Variants in SATB2 observed in about 807,000 individuals in gnomAD.
SATB2 encodes the protein DNA-binding protein SATB2.
In SATB2, 1 loss-of-function variant was observed where a neutral mutation model predicts 73.4. That is an observed-to-expected ratio of 0.01 (90% CI 0.00 to 0.06). The LOEUF (loss-of-function observed/expected upper bound fraction) is 0.06. SATB2 is among the 10% of genes least tolerant of loss of function. The probability of loss-of-function intolerance (pLI) is 1.00; values close to 1 mark genes in which losing one functional copy is unlikely to be tolerated. For synonymous variants in SATB2, 397 were observed against 367.0 expected, an observed-to-expected ratio of 1.08 and a Z score of -0.93; for missense variants, 459 against 945.8, an observed-to-expected ratio of 0.49 and a Z score of 6.75.
rs1294087873 is a variant in SATB2, at chr2:199,271,675, G to C, written c.*536C>G. Reference sequence around the variant, plus strand: ...AAGCCAAAGCGACTCACTGTGAAGTGGTTTTTTTAATACATAAACAAGTCT... The same window carrying C: ...AAGCCAAAGCGACTCACTGTGAAGTCGTTTTTTTAATACATAAACAAGTCT... On this transcript the variant is annotated 3_prime_UTR_variant, in exon 11 of 11. Transcript: ENST00000417098. 1 of 152,786 alleles carries C rather than the reference G, an allele frequency of 6.5e-6. No homozygotes were observed. Among genetic ancestry groups the C allele is most frequent in the Non-Finnish European group, 1.5e-5 (1 of 68,442 alleles). 9.5% of individuals were successfully genotyped at this position (152,786 alleles called of 1,614,324 possible). A position where few individuals can be genotyped will look rare whatever the true frequency, so the allele number is the denominator to read the frequency against.
intron 6 of SATB2, among the ~76,000 whole-genome samples, chr2:199,367,586 C>A (rs1308954015): frequency 6.6e-6 from 1 of 152,146 alleles, no homozygotes; most frequent in East Asian, 1.9e-4. Flanking sequence ...GAAACAAATT[C>A]ATCCTTTACT....
At chr2:199,467,979 T>C (rs1288282419), upstream of SATB2, 1 of 152,144 alleles carries the variant, frequency 6.6e-6, no homozygotes, top group African/African-American at 2.4e-5. Context: ...CAGTTTTCAG[T>C]AGATGTGGAA....
At chr2:199,282,082 C>T (rs559381776) in intron 10 of SATB2, among the ~76,000 whole-genome samples, 1 of 152,010 alleles carries the variant, frequency 6.6e-6, no homozygotes, top group East Asian at 1.9e-4. Flanking sequence ...AGTGTTTCAC[C>T]ATGTTAGCCA....
At chr2:199,352,023 C>A (rs1326900443) in intron 6 of SATB2, among the ~76,000 whole-genome samples, 2 of 152,102 alleles carry the variant, frequency 1.3e-5, no homozygotes, top group Non-Finnish European at 2.9e-5. Context: ...GCATATGCCG[C>A]CACCACACCC....
At chr2:199,343,659 T>C (rs1559172260) in intron 7 of SATB2, among the ~76,000 whole-genome samples, 2 of 152,212 alleles carry the variant, frequency 1.3e-5, no homozygotes, top group African/African-American at 2.4e-5. Flanking sequence ...TTGGGCTTTA[T>C]ACACAACAGG....
chr2:199,402,167 A>G (rs1559032684), intron 3 of SATB2, among the ~76,000 whole-genome samples: 1 of 152,106 alleles, frequency 6.6e-6, no homozygotes, highest in African/African-American at 2.4e-5. Context: ...CGGGTGGATC[A>G]TGAGGTCAAG....
chr2:199,286,917 G>A (rs1159401631), intron 10 of SATB2, among the ~76,000 whole-genome samples: 1 of 152,178 alleles, frequency 6.6e-6, no homozygotes, highest in Non-Finnish European at 1.5e-5. Context: ...CAGCATACAT[G>A]AAAGAAGATA....
chr2:199,436,119 G>A (rs991439515), intron 2 of SATB2, among the ~76,000 whole-genome samples: 3 of 152,074 alleles, frequency 2.0e-5, no homozygotes, highest in African/African-American at 7.2e-5. Context: ...GAATCCAATT[G>A]CTCCATAAGC....
intron 10 of SATB2, among the ~76,000 whole-genome samples, chr2:199,281,639 A>G (rs569828107): frequency 1.1e-4 from 17 of 152,336 alleles, no homozygotes; most frequent in African/African-American, 3.8e-4. Flanking sequence ...GAAAGTTTCA[A>G]AAACCTAGCT....
At chr2:199,309,418 T>C (rs371844777) in intron 9 of SATB2, among the ~76,000 whole-genome samples, 125 of 152,284 alleles carry the variant, frequency 8.2e-4, no homozygotes, top group African/African-American at 3.0e-3. Context: ...AGGGAGGAAA[T>C]ATTCTTAAAA....
chr2:199,349,622 A>AC (rs1295599229), intron 6 of SATB2, among the ~76,000 whole-genome samples: 1 of 152,238 alleles, frequency 6.6e-6, no homozygotes, highest in Non-Finnish European at 1.5e-5. Flanking sequence ...TCTAGTAAAA[A>AC]GCTCACATAA....
At chr2:199,458,540 G>C (rs1334456076), upstream of SATB2, 1 of 358,690 alleles carries the variant, frequency 2.8e-6, no homozygotes, top group Non-Finnish European at 5.4e-6. Flanking sequence ...CCTCCTCCTT[G>C]TGGCGGGTCC....
At chr2:199,413,632 C>T (rs558098916) in intron 3 of SATB2, among the ~76,000 whole-genome samples, 2 of 148,718 alleles carry the variant, frequency 1.3e-5, no homozygotes, top group South Asian at 2.3e-4. Flanking sequence ...CTTGATTTCC[C>T]AGGCTCTCTA....
At chr2:199,391,772 G>A (rs1337305264) in intron 3 of SATB2, among the ~76,000 whole-genome samples, 1 of 152,038 alleles carries the variant, frequency 6.6e-6, no homozygotes, top group Non-Finnish European at 1.5e-5. Flanking sequence ...CAACATACAT[G>A]GTGATAAATA....
chr2:199,444,612 G>A (rs1467105271), intron 2 of SATB2, among the ~76,000 whole-genome samples: 1 of 152,028 alleles, frequency 6.6e-6, no homozygotes, highest in Non-Finnish European at 1.5e-5. Flanking sequence ...ATTCTGACAA[G>A]CCCAATACAA....
chr2:199,451,961 C>T (rs892763168), intron 2 of SATB2, among the ~76,000 whole-genome samples: 14 of 151,982 alleles, frequency 9.2e-5, no homozygotes, highest in African/African-American at 2.4e-4. Context: ...CTTTAACAGA[C>T]AGTATGCCAA....
intron 7 of SATB2, among the ~76,000 whole-genome samples, chr2:199,338,121 T>C (rs942759153): frequency 1.3e-5 from 2 of 152,036 alleles, no homozygotes; most frequent in Non-Finnish European, 2.9e-5. Context: ...CCCAGCACTT[T>C]AGGAGGCCGA....
rs145384244 is a variant in SATB2, at chr2:199,313,696, C to G, written c.1543-4739G>C. Among the ~76,000 whole-genome samples, 31 of 152,186 alleles carry G rather than the reference C, an allele frequency of 2.0e-4. No homozygotes were observed. In the East Asian group the frequency reaches 6.0e-3, roughly 29 times the overall value. On this transcript the variant is annotated intron_variant, in intron 9 of 10. Transcript: ENST00000417098. ...ATTGTAAATGTATTAGACATGCTTA[C>G]TATTTGAAGAAATGTGCCATTAATT...
intron 5 of SATB2, among the ~76,000 whole-genome samples, chr2:199,371,446 C>G (rs1689444112): frequency 6.6e-6 from 1 of 152,024 alleles, no homozygotes; most frequent in African/African-American, 2.4e-5. Flanking sequence ...TCCTGGGACA[C>G]CGAGAATCTA....
Sources: gnomAD v4.1 joint callset for allele counts (sites outside exome capture counted in the v4.1 genomes callset) on GRCh38, gnomAD v4.1.1 for gene constraint, MANE v1.5 for transcripts, NCBI Gene and HGNC (gene_info 2026-07-23, HGNC 2026-07-21) for gene names.